AZIN1: variants seen among roughly 807,000 people sequenced by gnomAD.
AZIN1 encodes antizyme inhibitor 1, also known as ornithine decarboxylase antizyme inhibitor.
Under a neutral mutation model 47.4 loss-of-function variants are expected in AZIN1, and 12 were observed. The observed-to-expected ratio is 0.25, with a 90% confidence interval of 0.16 to 0.41. AZIN1 has a LOEUF of 0.41. Ranked by LOEUF, AZIN1 falls within the 10% of genes least tolerant of loss-of-function variation. The pLI is 1.00. For synonymous variants in AZIN1, 155 were observed against 176.3 expected, an observed-to-expected ratio of 0.88 and a Z score of 0.96; for missense variants, 410 against 532.4, an observed-to-expected ratio of 0.77 and a Z score of 2.26.
chr8:102,833,711 C>T (rs1408652375), intron 8 of AZIN1, among the ~76,000 whole-genome samples: 2 of 150,346 alleles, frequency 1.3e-5, no homozygotes, highest in Non-Finnish European at 3.0e-5. Context: ...TCATTTGAGG[C>T]CAGGAGTTCC....
At chr8:102,849,842 T>C (rs1173267938) in intron 2 of AZIN1, among the ~76,000 whole-genome samples, 2 of 152,160 alleles carry the variant, frequency 1.3e-5, no homozygotes, top group Non-Finnish European at 2.9e-5. Context: ...TTTTAATACA[T>C]TTTTCCATGA....
At position 102,853,046 on chromosome 8, in the gene AZIN1, T is replaced by C. The variant is rs1010159195; in HGVS notation, c.-96+4967A>G. ...TGGAAGTTAAATATCGCAAAAGGGA[T>C]TGGTTTACCTGGGGTGGGGTATGGG... On this transcript the variant is annotated intron_variant, in intron 2 of 11. Coordinates refer to ENST00000337198, the MANE Select transcript of AZIN1 (RefSeq NM_148174.4). Among the ~76,000 whole-genome samples, 4 of 152,292 alleles carry C rather than the reference T, an allele frequency of 2.6e-5. No individual in the cohort carries two copies. In the South Asian group the frequency reaches 8.3e-4, roughly 32 times the overall value.
chr8:102,862,717 C>T (rs1325430077), intron 1 of AZIN1, among the ~76,000 whole-genome samples: 1 of 152,152 alleles, frequency 6.6e-6, no homozygotes, highest in South Asian at 2.1e-4. Context: ...TAGATTCCCA[C>T]CCAGTCTGGG....
At chr8:102,850,592 T>C (rs536335390) in intron 2 of AZIN1, among the ~76,000 whole-genome samples, 21 of 152,274 alleles carry the variant, frequency 1.4e-4, no homozygotes, top group Admixed American at 1.3e-3. Flanking sequence ...GGAAATCCTA[T>C]AAATTTAGTG....
chr8:102,862,796 A>G (rs996077727), intron 1 of AZIN1, among the ~76,000 whole-genome samples: 1 of 152,210 alleles, frequency 6.6e-6, no homozygotes, highest in African/African-American at 2.4e-5. Flanking sequence ...AATTCAGTTA[A>G]ATGTGCTGAA....
At chr8:102,833,947 C>T (rs1811648282) in intron 8 of AZIN1, among the ~76,000 whole-genome samples, 1 of 150,384 alleles carries the variant, frequency 6.6e-6, no homozygotes, top group African/African-American at 2.4e-5. Context: ...ATCATTTGTG[C>T]CATTAAGTAC....
In AZIN1 at chr8:102,859,447, A is replaced by G. The variant is rs940380911; in HGVS notation, c.-233-1297T>C. On this transcript the variant is annotated intron_variant, in intron 1 of 11. Coordinates refer to ENST00000337198, the MANE Select transcript of AZIN1 (RefSeq NM_148174.4). ...CAACCCAAGAGCAATGATGTGAAAC[A>G]TTATGGACATTAAACGTCAGACATT... is the stretch of plus-strand genomic sequence containing the variant. Among the ~76,000 whole-genome samples the G allele has an allele frequency of 4.6e-5, 7 of 152,376 alleles. No individual in the cohort carries two copies. In the East Asian group the frequency reaches 9.6e-4, roughly 21 times the overall value.
chr8:102,852,081 T>C (rs566896783), intron 2 of AZIN1, among the ~76,000 whole-genome samples: 1 of 152,196 alleles, frequency 6.6e-6, no homozygotes, highest in East Asian at 1.9e-4. Context: ...TTTGGGGTGA[T>C]TGTTTTGTCA....
chr8:102,854,605 AAAATAT>A lies in AZIN1; in HGVS notation c.-96+3402_-96+3407del, dbSNP rs1813154781. The A allele has an allele frequency of 1.2e-4, 15 of 124,648 alleles. No individual in the cohort carries two copies. In the Admixed American group the frequency reaches 1.3e-3, roughly 11 times the overall value. The allele number at this position is 124,648 out of a possible 1,614,324, so 7.7% of individuals were successfully genotyped here. A position where few individuals can be genotyped will look rare whatever the true frequency, so the allele number is the denominator to read the frequency against. On this transcript the variant is annotated intron_variant, in intron 2 of 11. Coordinates refer to ENST00000337198, the MANE Select transcript of AZIN1 (RefSeq NM_148174.4). The stretch of plus-strand genomic sequence containing the variant: ...GGAGGAGACTCTGTCAAAAAAAAAA[AAAATAT>A]ATATATATATATATATTTTTTTTCC...
chr8:102,860,325 C>G (rs1362734875), intron 1 of AZIN1, among the ~76,000 whole-genome samples: 2 of 152,082 alleles, frequency 1.3e-5, no homozygotes, highest in Admixed American at 1.3e-4. Flanking sequence ...TGCAGTGGCG[C>G]GATCTTGGCT....
At chr8:102,854,260 A>G (rs1414329592) in intron 2 of AZIN1, among the ~76,000 whole-genome samples, 2 of 152,040 alleles carry the variant, frequency 1.3e-5, no homozygotes, top group African/African-American at 2.4e-5. Context: ...TTTCCTACTG[A>G]TAACTTACAG....
At chr8:102,862,899 T>G (rs1813788599) in intron 1 of AZIN1, among the ~76,000 whole-genome samples, 1 of 152,064 alleles carries the variant, frequency 6.6e-6, no homozygotes, top group Non-Finnish European at 1.5e-5. Context: ...CGTGTAAGGG[T>G]TAGAACATGT....
chr8:102,840,226 C>T (rs186381884), intron 3 of AZIN1, among the ~76,000 whole-genome samples: 85 of 152,280 alleles, frequency 5.6e-4, no homozygotes, highest in African/African-American at 2.0e-3. Context: ...ATATAATTTC[C>T]TAATACAGTA....
chr8:102,859,301 T>C (rs1813481467), intron 1 of AZIN1: 1 of 152,218 alleles, frequency 6.6e-6, no homozygotes, highest in African/African-American at 2.4e-5. Context: ...AATAAAAAGT[T>C]GAGTCATGCT....
At chr8:102,839,965 T>A in intron 3 of AZIN1, 142 bp from the exon 4 acceptor site, 1 of 484,152 alleles carries the variant, frequency 2.1e-6, no homozygotes, top group Non-Finnish European at 3.5e-6. Context: ...ATTTAAAGCT[T>A]GTTAACTAGA....
intron 1 of AZIN1, among the ~76,000 whole-genome samples, chr8:102,862,080 A>G (rs1442684446): frequency 6.6e-6 from 1 of 151,866 alleles, no homozygotes. Context: ...CTGGAAGACG[A>G]TTTGAAAGGA....
Position 102,826,390 on chromosome 8 carries a change from A to G in AZIN1, c.*2177T>C, listed in dbSNP as rs1811113474. ...AAAAACATTTATCTATGTATTCAGAATCACACACAAGTTACCTTTACAGTT... is the reference window on the plus strand; with the variant it reads ...AAAAACATTTATCTATGTATTCAGAGTCACACACAAGTTACCTTTACAGTT... On this transcript the variant is annotated 3_prime_UTR_variant, in exon 12 of 12. Transcript: ENST00000337198. 1 of 152,664 alleles carries G rather than the reference A, an allele frequency of 6.6e-6. No individual in the cohort carries two copies. Among genetic ancestry groups the G allele is most frequent in the African/African-American group, 2.4e-5 (1 of 41,448 alleles). The allele number at this position is 152,664 out of a possible 1,614,324, so 9.5% of individuals were successfully genotyped here. A position where few individuals can be genotyped will look rare whatever the true frequency, so the allele number is the denominator to read the frequency against.
At chr8:102,842,580 G>A (rs569434322) in intron 3 of AZIN1, among the ~76,000 whole-genome samples, 107 of 151,730 alleles carry the variant, frequency 7.1e-4, no homozygotes, top group Non-Finnish European at 1.1e-3. Context: ...GGTGGCGGGC[G>A]CCTGTAATCC....
In AZIN1 at chr8:102,858,036, C is replaced by T; in HGVS notation, c.-119G>A. On this transcript the variant is annotated 5_prime_UTR_variant, in exon 2 of 12. Transcript: ENST00000337198. ...ACATGGACAAGTTGGGAGATGGAACCCCCCTATCATCAGCTAGGTTCCCAA... is the reference window on the plus strand; with the variant it reads ...ACATGGACAAGTTGGGAGATGGAACTCCCCTATCATCAGCTAGGTTCCCAA... 2.5e-6 allele frequency: 1 copy of T among 398,998 alleles called. No homozygotes were observed. The highest frequency in any genetic ancestry group is 3.6e-5 in the East Asian group (1 of 28,082). The allele number at this position is 398,998 out of a possible 1,614,324, so 24.7% of individuals were successfully genotyped here.
Sources: gnomAD v4.1 joint callset for allele counts (sites outside exome capture counted in the v4.1 genomes callset) on GRCh38, gnomAD v4.1.1 for gene constraint, MANE v1.5 for transcripts, NCBI Gene and HGNC (gene_info 2026-07-23, HGNC 2026-07-21) for gene names.